CFAP299: variants seen among roughly 807,000 people sequenced by gnomAD.
CFAP299 encodes the protein cilia- and flagella-associated protein 299.
In CFAP299, 21 loss-of-function variants were observed where a neutral mutation model predicts 27.0. The ratio of observed to expected loss-of-function variants is 0.78; its 90% CI spans 0.55 to 1.12. CFAP299 has a LOEUF of 1.12. Ranked by LOEUF, CFAP299 falls within the 50% of genes most tolerant of loss-of-function variation. CFAP299 has a pLI of 0.00. For synonymous variants in CFAP299, 104 were observed against 98.1 expected (o/e 1.06, Z -0.36); for missense variants, 310 against 276.6 (o/e 1.12, Z -0.86).
chr4:80,490,926 A>ATG (rs917057228), intron 2 of CFAP299, among the ~76,000 whole-genome samples: 1 of 151,848 alleles, frequency 6.6e-6, no homozygotes, highest in African/African-American at 2.4e-5. Context: ...GAACAGGATT[A>ATG]TGTGTGTGTG....
chr4:80,554,920 A>G (rs969704338), intron 2 of CFAP299, among the ~76,000 whole-genome samples: 2 of 152,136 alleles, frequency 1.3e-5, no homozygotes, highest in East Asian at 3.8e-4. Flanking sequence ...GGGGTTTTCT[A>G]GATATAGAAT....
chr4:80,517,709 C>T (rs1432024603), intron 2 of CFAP299, among the ~76,000 whole-genome samples: 1 of 152,140 alleles, frequency 6.6e-6, no homozygotes, highest in East Asian at 1.9e-4. Context: ...AGCCACAGAT[C>T]TATAGTTAGG....
At chr4:80,342,561 G>A (rs140030137) in intron 1 of CFAP299, among the ~76,000 whole-genome samples, 1 of 152,240 alleles carries the variant, frequency 6.6e-6, no homozygotes, top group East Asian at 1.9e-4. Flanking sequence ...TTCATTTCCA[G>A]CCAAGCTAAG....
intron 2 of CFAP299, among the ~76,000 whole-genome samples, chr4:80,391,694 G>A (rs1427728168): frequency 2.0e-5 from 3 of 152,214 alleles, no homozygotes; most frequent in Non-Finnish European, 4.4e-5. Flanking sequence ...GATTCTGGGT[G>A]TGGTGGCTCA....
At chr4:80,741,731 G>T (rs1421206994) in intron 3 of CFAP299, among the ~76,000 whole-genome samples, 1 of 152,160 alleles carries the variant, frequency 6.6e-6, no homozygotes, top group Non-Finnish European at 1.5e-5. Flanking sequence ...TAGTCCACTT[G>T]TTCTAAGCCA....
chr4:80,342,989 AG>A (rs1228642450), intron 1 of CFAP299, among the ~76,000 whole-genome samples: 1 of 152,238 alleles, frequency 6.6e-6, no homozygotes, highest in Non-Finnish European at 1.5e-5. Context: ...ATACTTACCA[AG>A]AAAATGGAAA....
intron 3 of CFAP299, among the ~76,000 whole-genome samples, chr4:80,863,979 A>G (rs1267562806): frequency 1.3e-5 from 2 of 152,062 alleles, no homozygotes; most frequent in African/African-American, 4.8e-5. Context: ...CTCTATAGAG[A>G]TAGAAAGTAG....
At chr4:80,943,166 A>G (rs1340021981) in intron 4 of CFAP299, among the ~76,000 whole-genome samples, 2 of 152,216 alleles carry the variant, frequency 1.3e-5, no homozygotes, top group African/African-American at 4.8e-5. Flanking sequence ...AGACAAAGAT[A>G]TTTGGAAAAT....
At chr4:80,942,371 A>G (rs542416458) in intron 4 of CFAP299, among the ~76,000 whole-genome samples, 6 of 152,288 alleles carry the variant, frequency 3.9e-5, no homozygotes, top group African/African-American at 1.4e-4. Flanking sequence ...CATGAATACA[A>G]TGGATATTTT....
intron 1 of CFAP299, among the ~76,000 whole-genome samples, chr4:80,352,400 T>G (rs1723061279): frequency 6.6e-6 from 1 of 152,040 alleles, no homozygotes; most frequent in Non-Finnish European, 1.5e-5. Context: ...AAACCCCGTC[T>G]CTACTAAAAT....
chr4:80,745,955 T>A (rs895119775), intron 3 of CFAP299, among the ~76,000 whole-genome samples: 7 of 152,048 alleles, frequency 4.6e-5, no homozygotes, highest in African/African-American at 1.7e-4. Flanking sequence ...GATAAGAAAT[T>A]CCAAGAAATT....
chr4:80,640,185 T>C (rs985819593), intron 3 of CFAP299, among the ~76,000 whole-genome samples: 1 of 152,190 alleles, frequency 6.6e-6, no homozygotes, highest in Non-Finnish European at 1.5e-5. Flanking sequence ...TTCATGTTGC[T>C]GGTGTGACTG....
intron 3 of CFAP299, among the ~76,000 whole-genome samples, chr4:80,728,027 C>T (rs1455370225): frequency 6.6e-6 from 1 of 151,846 alleles, no homozygotes; most frequent in East Asian, 1.9e-4. Flanking sequence ...AAATGAATAA[C>T]AAAAACAATT....
intron 3 of CFAP299, among the ~76,000 whole-genome samples, chr4:80,737,756 T>A (rs1055460150): frequency 1.3e-5 from 2 of 151,924 alleles, no homozygotes; most frequent in African/African-American, 4.8e-5. Context: ...AAGAAAAAAA[T>A]TAAAAAGAAG....
chr4:80,711,585 T>G (rs1277207061), intron 3 of CFAP299, among the ~76,000 whole-genome samples: 1 of 152,056 alleles, frequency 6.6e-6, no homozygotes, highest in African/African-American at 2.4e-5. Context: ...ATGAGGAAAC[T>G]GGGGCTGAGG....
At chr4:80,587,986 T>G (rs1736536174) in intron 3 of CFAP299, among the ~76,000 whole-genome samples, 1 of 151,194 alleles carries the variant, frequency 6.6e-6, no homozygotes, top group Non-Finnish European at 1.5e-5. Context: ...TTCTCTCATC[T>G]AAAACCTGTT....
At chr4:80,844,494 C>G (rs1160303012) in intron 3 of CFAP299, among the ~76,000 whole-genome samples, 1 of 152,192 alleles carries the variant, frequency 6.6e-6, no homozygotes, top group African/African-American at 2.4e-5. Context: ...TTGCATTTCT[C>G]TGATGGCCAG....
At chr4:80,717,776 C>T (rs1722574118) in intron 3 of CFAP299, among the ~76,000 whole-genome samples, 2 of 152,024 alleles carry the variant, frequency 1.3e-5, no homozygotes, top group Admixed American at 1.3e-4. Flanking sequence ...GTAAAAAATG[C>T]AGGAAAAATA....
chr4:80,857,466 G>A (rs1209184763), intron 3 of CFAP299, among the ~76,000 whole-genome samples: 3 of 152,084 alleles, frequency 2.0e-5, no homozygotes, highest in African/African-American at 4.8e-5. Flanking sequence ...GTGAGAGAGG[G>A]CATCCCTGTC....
Sources: allele counts gnomAD v4.1 joint callset (sites outside exome capture counted in the v4.1 genomes callset), GRCh38; gene constraint gnomAD v4.1.1; transcripts MANE v1.5; gene names NCBI Gene and HGNC (gene_info 2026-07-23, HGNC 2026-07-21).